Variants in BRWD1 observed in about 807,000 individuals in gnomAD.
BRWD1 encodes the protein bromodomain and WD repeat-containing protein 1.
BRWD1 carries 82 observed loss-of-function variants against 251.2 expected under a neutral mutation model. That is an observed-to-expected ratio of 0.33 (90% CI 0.27 to 0.39). The LOEUF (loss-of-function observed/expected upper bound fraction) is 0.39. BRWD1 is among the 10% of genes least tolerant of loss of function. The probability of loss-of-function intolerance (pLI) is 1.00; values close to 1 mark genes in which losing one functional copy is unlikely to be tolerated. For missense variants in BRWD1, 2,233 were observed against 2,711.6 expected (o/e 0.82, Z 3.92); for synonymous variants, 918 against 902.8 (o/e 1.02, Z -0.30).
intron 5 of BRWD1, chr21:39,296,594 TCA>T: frequency 8.9e-7 from 1 of 1,121,070 alleles, no homozygotes; most frequent in South Asian, 4.2e-5. Context: ...ACTTTACAAT[TCA>T]CAAAGTGCTT....
intron 36 of BRWD1, among the ~76,000 whole-genome samples, chr21:39,207,762 G>A (rs1373977523): frequency 1.3e-5 from 2 of 152,104 alleles, no homozygotes; most frequent in Non-Finnish European, 2.9e-5. Flanking sequence ...GCTGGCCATC[G>A]ATAGATGAAT....
At position 39,186,824 on chromosome 21, in the gene BRWD1, C is replaced by CA. The variant is rs2031262014; in HGVS notation, c.*9434dup. Reference sequence around the variant, plus strand: ...TCCACCTCTCCACCTACAGACTCTGCAATTTATTTCCTCCTCAGAATTCCC... The same window carrying CA: ...TCCACCTCTCCACCTACAGACTCTGCAAATTTATTTCCTCCTCAGAATTCCC... On this transcript the variant is annotated 3_prime_UTR_variant, in exon 41 of 41. Transcript: ENST00000342449. 6 of 799,068 alleles carry CA rather than the reference C, an allele frequency of 7.5e-6. No individual in the cohort carries two copies. The highest frequency in any genetic ancestry group is 7.2e-5 in the African/African-American group (4 of 55,188). 49.5% of individuals were successfully genotyped at this position (799,068 alleles called of 1,614,324 possible).
chr21:39,224,567 C>A, intron 28 of BRWD1, 98 bp from the exon 29 acceptor site: 1 of 736,874 alleles, frequency 1.4e-6, no homozygotes. Context: ...AAATTAACCT[C>A]ACTGCAGCAG....
At chr21:39,291,816 G>A (rs539510751) in intron 8 of BRWD1, among the ~76,000 whole-genome samples, 12 of 152,216 alleles carry the variant, frequency 7.9e-5, no homozygotes, top group Non-Finnish European at 1.3e-4. Context: ...ATGTAATAAC[G>A]TTCACCTACC....
chr21:39,297,179 T>C (rs928565581), intron 5 of BRWD1: 1 of 985,300 alleles, frequency 1.0e-6, no homozygotes, highest in African/African-American at 1.7e-5. Flanking sequence ...TTTGAAGCAG[T>C]CACACTGTGC....
Position 39,313,609 on chromosome 21 carries a change from GC to G in BRWD1, c.-119del. 1.2e-6 allele frequency: 1 copy of G among 822,972 alleles called. No homozygotes were observed. Among genetic ancestry groups the G allele is most frequent in the Non-Finnish European group, 1.6e-6 (1 of 618,066 alleles). 51.0% of individuals were successfully genotyped at this position (822,972 alleles called of 1,614,324 possible). On this transcript the variant is annotated 5_prime_UTR_variant, in exon 1 of 41. The change abolishes the stop of an existing upstream ORF in the 5' untranslated region. Coordinates refer to ENST00000342449, the MANE Select transcript of BRWD1 (RefSeq NM_033656.4). Reference sequence around the variant, plus strand: ...GGCGCGCGCCGCCGCCGCCGCCGCCGCCGCCATACCGTGCGCGCCGCCTGGA... The same window carrying G: ...GGCGCGCGCCGCCGCCGCCGCCGCCGCGCCATACCGTGCGCGCCGCCTGGA...
intron 15 of BRWD1, 147 bp from the exon 16 acceptor site, chr21:39,265,166 G>A: frequency 2.3e-6 from 2 of 858,320 alleles, no homozygotes; most frequent in Non-Finnish European, 3.4e-6. Flanking sequence ...GCTCATACCT[G>A]TAATCCTAGC....
At chr21:39,289,940 G>A (rs1163639222) in intron 8 of BRWD1, among the ~76,000 whole-genome samples, 1 of 150,642 alleles carries the variant, frequency 6.6e-6, no homozygotes, top group Non-Finnish European at 1.5e-5. Flanking sequence ...CAGGAGAATG[G>A]CGTGAACCCG....
chr21:39,202,817 A>G (rs2032178710), intron 37 of BRWD1, among the ~76,000 whole-genome samples: 1 of 152,222 alleles, frequency 6.6e-6, no homozygotes, highest in South Asian at 2.1e-4. Context: ...AATACCTTAC[A>G]TTCTTTGGAT....
chr21:39,214,627 A>C (rs2032804838), intron 32 of BRWD1, among the ~76,000 whole-genome samples: 1 of 152,076 alleles, frequency 6.6e-6, no homozygotes, highest in Non-Finnish European at 1.5e-5. Context: ...CATGGTACCA[A>C]GATTTTTTTT....
At chr21:39,311,251 T>C (rs1167612434) in intron 4 of BRWD1, among the ~76,000 whole-genome samples, 1 of 152,090 alleles carries the variant, frequency 6.6e-6, no homozygotes, top group Non-Finnish European at 1.5e-5. Flanking sequence ...CAATGCAGCC[T>C]CAAACTCCCA....
intron 19 of BRWD1, 50 bp downstream of exon 19, chr21:39,255,589 CATATAA>C (rs1448359093): frequency 5.0e-6 from 7 of 1,402,892 alleles, no homozygotes; most frequent in Non-Finnish European, 7.0e-6. Flanking sequence ...TGTAAATAAC[CATATAA>C]ATATATTTTC....
At chr21:39,249,834 T>G (rs2034329062) in intron 20 of BRWD1, among the ~76,000 whole-genome samples, 1 of 152,074 alleles carries the variant, frequency 6.6e-6, no homozygotes, top group African/African-American at 2.4e-5. Context: ...AAAACATATT[T>G]TTTAACAAAT....
chr21:39,265,144 C>A, intron 15 of BRWD1, 125 bp from the exon 16 acceptor site: 1 of 1,040,620 alleles, frequency 9.6e-7, no homozygotes, highest in Non-Finnish European at 1.4e-6. Context: ...AAAGTTTCAG[C>A]CAGGCATGGT....
intron 27 of BRWD1, among the ~76,000 whole-genome samples, chr21:39,226,904 G>A (rs141223739): frequency 3.5e-4 from 54 of 152,298 alleles, no homozygotes; most frequent in African/African-American, 1.2e-3. Flanking sequence ...CAAGAGGATT[G>A]CTTGAGCCCA....
intron 15 of BRWD1, 110 bp downstream of exon 15, chr21:39,269,789 G>C: frequency 1.0e-6 from 1 of 980,540 alleles, no homozygotes; most frequent in Non-Finnish European, 1.4e-6. Flanking sequence ...ATGCTGATTT[G>C]TAAAAACAAA....
chr21:39,317,980 T>C (rs1217115969), upstream of BRWD1, among the ~76,000 whole-genome samples: 1 of 152,020 alleles, frequency 6.6e-6, no homozygotes, highest in Non-Finnish European at 1.5e-5. Flanking sequence ...AGCCCAGGAG[T>C]TTAAGGCTGT....
chr21:39,318,633 C>CT (rs1475840879), upstream of BRWD1, among the ~76,000 whole-genome samples: 2 of 151,836 alleles, frequency 1.3e-5, no homozygotes, highest in East Asian at 1.9e-4. Flanking sequence ...GGCTCCTGGG[C>CT]TGTTTTTTGT....
At chr21:39,266,134 AG>A (rs1192947290) in intron 15 of BRWD1, among the ~76,000 whole-genome samples, 1 of 152,138 alleles carries the variant, frequency 6.6e-6, no homozygotes, top group Non-Finnish European at 1.5e-5. Context: ...TCCACGCCCA[AG>A]TAAGTCACTG....
Sources: allele counts gnomAD v4.1 joint callset (sites outside exome capture counted in the v4.1 genomes callset), GRCh38; gene constraint gnomAD v4.1.1; transcripts MANE v1.5; gene names NCBI Gene and HGNC (gene_info 2026-07-23, HGNC 2026-07-21).